MTIF2: variants seen among roughly 807,000 people sequenced by gnomAD.
MTIF2 encodes the protein mitochondrial translational initiation factor 2, also known as translation initiation factor IF-2, mitochondrial.
Under a neutral mutation model 83.5 loss-of-function variants are expected in MTIF2, and 71 were observed. The ratio of observed to expected loss-of-function variants is 0.85; its 90% CI spans 0.70 to 1.04. The LOEUF is 1.04. Ranked by LOEUF, MTIF2 falls within the 50% of genes least tolerant of loss-of-function variation. The probability of loss-of-function intolerance (pLI) is 0.00; values close to 1 mark genes in which losing one functional copy is unlikely to be tolerated. For synonymous variants in MTIF2, 319 were observed against 287.1 expected (o/e 1.11, Z -1.12); for missense variants, 957 against 846.5 (o/e 1.13, Z -1.62).
chr2:55,238,835 C>A (rs1676087680), intron 14 of MTIF2, among the ~76,000 whole-genome samples: 1 of 152,158 alleles, frequency 6.6e-6, no homozygotes, highest in South Asian at 2.1e-4. Flanking sequence ...ATCCTAGAAA[C>A]CCTCATGACT....
intron 3 of MTIF2, among the ~76,000 whole-genome samples, chr2:55,265,667 CTT>C (rs1055070394): frequency 6.6e-6 from 1 of 151,896 alleles, no homozygotes; most frequent in African/African-American, 2.4e-5. Context: ...ATTTTCAACT[CTT>C]TTCTTTGTGC....
At chr2:55,263,599 G>C (rs755308330) in intron 4 of MTIF2, 41 bp downstream of exon 4, 11 of 1,482,174 alleles carry the variant, frequency 7.4e-6, no homozygotes, top group Admixed American at 2.0e-5. Context: ...GACAGGGTGA[G>C]ACTCCATCTC....
intron 2 of MTIF2, among the ~76,000 whole-genome samples, 191 bp downstream of exon 2, chr2:55,268,387 G>C (rs541612813): frequency 6.6e-6 from 1 of 152,252 alleles, no homozygotes; most frequent in African/African-American, 2.4e-5. Context: ...AGGTAACACA[G>C]GATTCCTTGA....
chr2:55,236,706 A>G lies in MTIF2; in HGVS notation c.2126T>C (p.Ile709Thr). ...AATTTGCTTTTCTTCATAACAAACA[A>G]TTCTGTCTCCCACTTGAAATTCCAT... Reference protein sequence around the residue: ...DNMEFQVGDRIVCYEEKQIQA... With the variant: ...DNMEFQVGDRTVCYEEKQIQA... Residue 709 changes from isoleucine (I) to threonine (T), a missense_variant, in exon 16 of 16, where the codon ATT becomes ACT. Ile to Thr is a moderately conservative substitution (Grantham distance 89). Around this residue, in one of 3 missense-constraint regions of MTIF2, gnomAD observed 221 missense variants for 180.6 expected, o/e 1.22. Transcript: ENST00000263629. 1 of 1,608,364 alleles carries G rather than the reference A, an allele frequency of 6.2e-7. No individual in the cohort carries two copies. The highest frequency in any genetic ancestry group is 2.2e-5 in the East Asian group (1 of 44,628).
chr2:55,265,870 G>A (rs1455130801), intron 3 of MTIF2, among the ~76,000 whole-genome samples: 4 of 151,912 alleles, frequency 2.6e-5, no homozygotes, highest in Admixed American at 1.3e-4. Context: ...TTAAAAAGAT[G>A]GTTCTGTCTC....
intron 11 of MTIF2, 106 bp downstream of exon 11, chr2:55,243,923 T>C: frequency 2.8e-6 from 3 of 1,072,768 alleles, no homozygotes; most frequent in South Asian, 1.8e-5. Flanking sequence ...CAGCCCCTTA[T>C]AATCTAGATT....
intron 4 of MTIF2, 100 bp from the exon 5 acceptor site, chr2:55,262,527 CTTTCTTTTTT>C (rs1409319332): frequency 2.3e-5 from 12 of 522,306 alleles, no homozygotes; most frequent in South Asian, 2.0e-4. Flanking sequence ...AGCTACATTT[CTTTCTTTTTT>C]TTTCTTTTTT....
chr2:55,266,763 C>CTTTT (rs1216777992), intron 3 of MTIF2, among the ~76,000 whole-genome samples: 1,460 of 85,654 alleles, frequency 0.017, no homozygotes, highest in Non-Finnish European at 0.024. Context: ...ACATTTCATT[C>CTTTT]TTTTTTTTTT....
intron 5 of MTIF2, among the ~76,000 whole-genome samples, chr2:55,262,070 G>A (rs1166780031): frequency 3.3e-5 from 5 of 151,642 alleles, no homozygotes; most frequent in African/African-American, 1.2e-4. Flanking sequence ...TTCCGAGAAA[G>A]AAAACTTAAT....
At chr2:55,246,490 A>C (rs1676713063) in intron 9 of MTIF2, 29 bp from the exon 10 acceptor site, 1 of 1,589,900 alleles carries the variant, frequency 6.3e-7, no homozygotes, top group Non-Finnish European at 8.6e-7. Context: ...TTGTTAATAC[A>C]CATTAATAAA....
chr2:55,260,397 T>C (rs1298607243), intron 5 of MTIF2, among the ~76,000 whole-genome samples: 1 of 134,000 alleles, frequency 7.5e-6, no homozygotes, highest in Non-Finnish European at 1.6e-5. Context: ...TGAAACTCTG[T>C]CTCAAAAAAA....
At chr2:55,266,883 C>G (rs1678476007) in intron 3 of MTIF2, among the ~76,000 whole-genome samples, 1 of 150,648 alleles carries the variant, frequency 6.6e-6, no homozygotes, top group Non-Finnish European at 1.5e-5. Flanking sequence ...TTTTCTCCAG[C>G]CTTAGCCTCC....
chr2:55,239,823 C>A, intron 14 of MTIF2, among the ~76,000 whole-genome samples, 188 bp downstream of exon 14: 1 of 152,166 alleles, frequency 6.6e-6, no homozygotes, highest in East Asian at 1.9e-4. Context: ...AAGGCACAGG[C>A]ACAATGTGTT....
chr2:55,252,214 T>C (rs991979002), intron 8 of MTIF2, among the ~76,000 whole-genome samples: 1 of 152,156 alleles, frequency 6.6e-6, no homozygotes, highest in Non-Finnish European at 1.5e-5. Context: ...AAAATTTCTA[T>C]GATAAAAAGT....
intron 8 of MTIF2, among the ~76,000 whole-genome samples, chr2:55,251,589 G>C (rs553593907): frequency 1.3e-5 from 2 of 152,220 alleles, no homozygotes; most frequent in African/African-American, 4.8e-5. Context: ...AAGGGTAGGG[G>C]TACAGTCATT....
At chr2:55,254,904 T>C in intron 5 of MTIF2, 79 bp from the exon 6 acceptor site, 3 of 783,432 alleles carry the variant, frequency 3.8e-6, no homozygotes, top group Non-Finnish European at 5.4e-6. Context: ...AATGTCTATA[T>C]AAACAGTACA....
At chr2:55,246,270 T>C (rs1007167275) in intron 10 of MTIF2, 67 bp downstream of exon 10, 11 of 1,465,142 alleles carry the variant, frequency 7.5e-6, no homozygotes, top group Middle Eastern at 1.8e-4. Context: ...AAATAATACA[T>C]TGTCATATAA....
At chr2:55,242,386 CTTTA>C (rs1558552783) in intron 13 of MTIF2, among the ~76,000 whole-genome samples, 1 of 152,136 alleles carries the variant, frequency 6.6e-6, no homozygotes, top group Non-Finnish European at 1.5e-5. Context: ...AGGTGTTCGA[CTTTA>C]TTTAACAGTC....
chr2:55,265,003 G>A (rs940222123), intron 3 of MTIF2, among the ~76,000 whole-genome samples: 4 of 151,978 alleles, frequency 2.6e-5, no homozygotes, highest in Non-Finnish European at 5.9e-5. Context: ...AGCACTTTGG[G>A]AGGCCGAGGT....
Sources: gnomAD v4.1 joint callset for allele counts (sites outside exome capture counted in the v4.1 genomes callset) on GRCh38, gnomAD v4.1.1 for gene constraint, gnomAD v4.1.1 regional missense constraint, MANE v1.5 for transcripts, NCBI Gene and HGNC (gene_info 2026-07-23, HGNC 2026-07-21) for gene names.